PLPPR1: variants seen among roughly 807,000 people sequenced by gnomAD.
PLPPR1 encodes phospholipid phosphatase-related protein type 1.
Under a neutral mutation model 33.1 loss-of-function variants are expected in PLPPR1, and 10 were observed. That is an observed-to-expected ratio of 0.30 (90% CI 0.19 to 0.51). PLPPR1 has a LOEUF of 0.51. Ranked by LOEUF, PLPPR1 falls within the 20% of genes least tolerant of loss-of-function variation. The pLI is 0.97. For synonymous variants in PLPPR1, 151 were observed against 151.0 expected, an observed-to-expected ratio of 1.00 and a Z score of 0.00; for missense variants, 304 against 408.1, an observed-to-expected ratio of 0.74 and a Z score of 2.20.
At chr9:101,099,080 T>G (rs1830859495) in intron 1 of PLPPR1, among the ~76,000 whole-genome samples, 1 of 113,420 alleles carries the variant, frequency 8.8e-6, no homozygotes, top group Non-Finnish European at 2.0e-5. Flanking sequence ...ATAAAATAAG[T>G]CTAATGGATG....
intron 3 of PLPPR1, among the ~76,000 whole-genome samples, chr9:101,272,091 A>G (rs991797699): frequency 1.3e-5 from 2 of 152,314 alleles, no homozygotes; most frequent in Non-Finnish European, 2.9e-5. Flanking sequence ...TGTATATACA[A>G]TTCTGTGCCA....
At chr9:101,145,165 C>T (rs1219806051) in intron 1 of PLPPR1, among the ~76,000 whole-genome samples, 1 of 152,102 alleles carries the variant, frequency 6.6e-6, no homozygotes, top group Non-Finnish European at 1.5e-5. Flanking sequence ...TACCAAATTT[C>T]AGACAGGAAG....
At chr9:101,134,497 C>T (rs368197766) in intron 1 of PLPPR1, among the ~76,000 whole-genome samples, 13 of 151,914 alleles carry the variant, frequency 8.6e-5, no homozygotes, top group African/African-American at 3.1e-4. Context: ...ATCCTCCTAC[C>T]TCAGCCTCCC....
At chr9:101,156,912 A>G (rs1023089847) in intron 1 of PLPPR1, among the ~76,000 whole-genome samples, 2 of 48,962 alleles carry the variant, frequency 4.1e-5, no homozygotes, top group African/African-American at 1.1e-4. Flanking sequence ...AGGTCCCTAT[A>G]TGACATATAA....
intron 2 of PLPPR1, among the ~76,000 whole-genome samples, chr9:101,203,747 A>T (rs919838460): frequency 6.6e-6 from 1 of 151,426 alleles, no homozygotes; most frequent in African/African-American, 2.4e-5. Context: ...ATCTATCTAT[A>T]TATATAGACA....
intron 5 of PLPPR1, 94 bp from the exon 6 acceptor site, chr9:101,312,704 T>G (rs1283067144): frequency 1.1e-6 from 1 of 943,888 alleles, no homozygotes; most frequent in East Asian, 2.4e-5. Context: ...AAGCCCCTGC[T>G]TGTGTATGCT....
In PLPPR1 at chr9:101,106,277, C is replaced by T. The variant is rs562158519; in HGVS notation, c.-46+77175C>T. Reference sequence around the variant, plus strand: ...TTTACATTTTGGCATGATTTTGCAGCGGCTGGTACCGGTTGTTCCTTTCCA... The same window carrying T: ...TTTACATTTTGGCATGATTTTGCAGTGGCTGGTACCGGTTGTTCCTTTCCA... On this transcript the variant is annotated intron_variant, in intron 1 of 7. Transcript: ENST00000374874. Among the ~76,000 whole-genome samples, 116 of 128,828 alleles carry T rather than the reference C, an allele frequency of 9.0e-4. 3 individuals carry two copies. The highest frequency in any genetic ancestry group is 4.3e-3 in the Middle Eastern group (1 of 234). 84.5% of individuals were successfully genotyped at this position (128,828 alleles called of 152,430 possible).
chr9:101,125,850 G>C, intron 1 of PLPPR1: 2 of 535,970 alleles, frequency 3.7e-6, no homozygotes, highest in Non-Finnish European at 6.7e-6. Context: ...AATGTAGTAG[G>C]AGTAGAGGTT....
chr9:101,073,790 G>GT (rs1313885001), intron 1 of PLPPR1, among the ~76,000 whole-genome samples: 1 of 152,180 alleles, frequency 6.6e-6, no homozygotes, highest in Non-Finnish European at 1.5e-5. Flanking sequence ...TCTAAGTTAA[G>GT]TTGTTCCTTA....
At chr9:101,238,358 T>TAC (rs1238017909) in intron 2 of PLPPR1, among the ~76,000 whole-genome samples, 5 of 142,428 alleles carry the variant, frequency 3.5e-5, no homozygotes, top group African/African-American at 1.3e-4. Context: ...GGTGTATATA[T>TAC]ATATATGGGT....
At chr9:101,234,243 T>C (rs1827249137) in intron 2 of PLPPR1, among the ~76,000 whole-genome samples, 1 of 151,942 alleles carries the variant, frequency 6.6e-6, no homozygotes, top group African/African-American at 2.4e-5. Flanking sequence ...AACATACACA[T>C]ACCCACTCAC....
intron 1 of PLPPR1, among the ~76,000 whole-genome samples, chr9:101,060,395 G>A (rs1279800815): frequency 2.6e-5 from 4 of 151,962 alleles, no homozygotes; most frequent in Non-Finnish European, 1.5e-5. Flanking sequence ...GAAATCTATT[G>A]TACGTCATAG....
At chr9:101,124,683 G>A (rs1425490607) in intron 1 of PLPPR1, among the ~76,000 whole-genome samples, 1 of 152,192 alleles carries the variant, frequency 6.6e-6, no homozygotes, top group Non-Finnish European at 1.5e-5. Context: ...CACCGTACAG[G>A]TGGGCCCACT....
At chr9:101,300,582 G>T (rs532831767) in intron 4 of PLPPR1, among the ~76,000 whole-genome samples, 34 of 152,162 alleles carry the variant, frequency 2.2e-4, no homozygotes, top group Non-Finnish European at 4.7e-4. Flanking sequence ...TGCCCATGGG[G>T]GCTTGATGCT....
intron 1 of PLPPR1, among the ~76,000 whole-genome samples, chr9:101,031,116 A>G (rs955712864): frequency 6.6e-6 from 1 of 152,204 alleles, no homozygotes; most frequent in African/African-American, 2.4e-5. Context: ...AAATTGGCAT[A>G]GAGGGGATTT....
At chr9:101,063,040 G>A (rs867194324) in intron 1 of PLPPR1, among the ~76,000 whole-genome samples, 2 of 152,008 alleles carry the variant, frequency 1.3e-5, no homozygotes, top group African/African-American at 2.4e-5. Flanking sequence ...ATCACAAGGG[G>A]TGAGAAGCCT....
At chr9:101,131,515 G>T (rs1831313689) in intron 1 of PLPPR1, 2 of 152,226 alleles carry the variant, frequency 1.3e-5, no homozygotes, top group South Asian at 2.1e-4. Context: ...TATTAGGGAA[G>T]TAGAAGCAGA....
At chr9:101,079,287 G>C (rs1830586713) in intron 1 of PLPPR1, among the ~76,000 whole-genome samples, 1 of 152,054 alleles carries the variant, frequency 6.6e-6, no homozygotes, top group South Asian at 2.1e-4. Flanking sequence ...TCTCTTTTCT[G>C]CTTTCTTGTG....
intron 2 of PLPPR1, among the ~76,000 whole-genome samples, chr9:101,223,496 G>A (rs1203721771): frequency 6.6e-6 from 1 of 152,104 alleles, no homozygotes; most frequent in Non-Finnish European, 1.5e-5. Flanking sequence ...GATATGGTTA[G>A]GCTTTGTGTC....
Sources: allele counts gnomAD v4.1 joint callset (sites outside exome capture counted in the v4.1 genomes callset), GRCh38; gene constraint gnomAD v4.1.1; transcripts MANE v1.5; gene names NCBI Gene and HGNC (gene_info 2026-07-23, HGNC 2026-07-21).